The following UBE2QL1 variants were observed in gnomAD, a reference collection of about 807,000 sequenced individuals.
The protein encoded by UBE2QL1 is ubiquitin conjugating enzyme E2 QL1.
Under a neutral mutation model 12.6 loss-of-function variants are expected in UBE2QL1, and 5 were observed. The observed-to-expected ratio is 0.40, with a 90% CI of 0.21 to 0.83. UBE2QL1 has a LOEUF of 0.83. Among genes scored for constraint, UBE2QL1 ranks in the 40% least tolerant of loss-of-function variants. UBE2QL1 has a pLI of 0.37. For synonymous variants in UBE2QL1, 96 were observed against 94.5 expected (o/e 1.02, Z -0.10); for missense variants, 99 against 222.6 (o/e 0.44, Z 3.53).
At chr5:6,469,674 A>C (rs1261181689) in intron 1 of UBE2QL1, among the ~76,000 whole-genome samples, 1 of 151,858 alleles carries the variant, frequency 6.6e-6, no homozygotes, top group Non-Finnish European at 1.5e-5. Flanking sequence ...GTATACACTT[A>C]TATGTTTACA....
At chr5:6,483,370 C>T (rs922511960) in intron 1 of UBE2QL1, among the ~76,000 whole-genome samples, 2 of 151,614 alleles carry the variant, frequency 1.3e-5, no homozygotes, top group African/African-American at 4.8e-5. Flanking sequence ...ACCTGGGAGG[C>T]GGAGGTTGCA....
intron 1 of UBE2QL1, among the ~76,000 whole-genome samples, chr5:6,472,356 T>C (rs568654568): frequency 6.6e-6 from 1 of 152,268 alleles, no homozygotes; most frequent in South Asian, 2.1e-4. Flanking sequence ...CGAGCCTCGG[T>C]ATGTGGATTG....
In UBE2QL1 at chr5:6,478,622, G is replaced by GTT. The variant is rs11420520; in HGVS notation, c.355-12584_355-12583dup. Reference sequence around the variant, plus strand: ...CTAGTGACATTCTTGGTCTCTTTCGGTTTTTTTTTTTTTGGACTTTAACAG... The same window carrying GTT: ...CTAGTGACATTCTTGGTCTCTTTCGGTTTTTTTTTTTTTTTGGACTTTAACAG... On this transcript the variant is annotated intron_variant, in intron 1 of 1. Coordinates refer to ENST00000399816, the MANE Select transcript of UBE2QL1 (RefSeq NM_001145161.3). The surrounding 1 kb of genome is among the most constrained non-coding windows in gnomAD (Gnocchi z 4.5). Among the ~76,000 whole-genome samples the GTT allele has an allele frequency of 8.5e-4, 123 of 144,636 alleles. No individual in the cohort carries two copies. Among genetic ancestry groups the GTT allele is most frequent in the Middle Eastern group, 3.6e-3 (1 of 278 alleles). The allele number at this position is 144,636 out of a possible 152,430, so 94.9% of individuals were successfully genotyped here.
At chr5:6,453,771 C>G (rs1391530300) in intron 1 of UBE2QL1, among the ~76,000 whole-genome samples, 1 of 152,064 alleles carries the variant, frequency 6.6e-6, no homozygotes, top group South Asian at 2.1e-4. Flanking sequence ...AATACTAGGC[C>G]TAGAAATAGC....
intron 1 of UBE2QL1, among the ~76,000 whole-genome samples, chr5:6,469,354 C>G (rs1161657163): frequency 6.6e-6 from 1 of 151,262 alleles, no homozygotes; most frequent in East Asian, 1.9e-4. Flanking sequence ...TATTATAAGG[C>G]TGGGTTCTTT....
chr5:6,451,314 G>A (rs1489735910), intron 1 of UBE2QL1, among the ~76,000 whole-genome samples: 1 of 152,048 alleles, frequency 6.6e-6, no homozygotes, highest in African/African-American at 2.4e-5. Flanking sequence ...CATTAATGCT[G>A]TGTATAATAA....
intron 1 of UBE2QL1, among the ~76,000 whole-genome samples, chr5:6,477,892 G>A (rs1457652284): frequency 1.3e-5 from 2 of 152,190 alleles, no homozygotes; most frequent in Non-Finnish European, 2.9e-5. Context: ...CCTCAAGAAA[G>A]CAAGCCAGAC....
chr5:6,468,881 C>T (rs1484841124), intron 1 of UBE2QL1, among the ~76,000 whole-genome samples: 2 of 152,188 alleles, frequency 1.3e-5, no homozygotes, highest in Admixed American at 6.5e-5. Context: ...GTGCACTTTA[C>T]GTGCATTCTT....
chr5:6,471,909 GACTTTC>G, intron 1 of UBE2QL1, among the ~76,000 whole-genome samples: 1 of 152,150 alleles, frequency 6.6e-6, no homozygotes, highest in East Asian at 1.9e-4. Context: ...TTTGTATTGT[GACTTTC>G]ACTTTTTGTC....
rs1043320733 is a variant in UBE2QL1, at chr5:6,478,991, C to A, written c.355-12227C>A. ...CCTAGGAGTGAGGAAGGCCAGGCCT[C>A]ATGACAGAGCTGCCTGCCCTGGGGG... is the stretch of plus-strand genomic sequence containing the variant. On this transcript the variant is annotated intron_variant, in intron 1 of 1. Coordinates refer to ENST00000399816, the MANE Select transcript of UBE2QL1 (RefSeq NM_001145161.3). The surrounding 1 kb of genome is among the most constrained non-coding windows in gnomAD (Gnocchi z 4.5). Among the ~76,000 whole-genome samples, 2 of 152,192 alleles carry A rather than the reference C, an allele frequency of 1.3e-5. No homozygotes were observed. The highest frequency in any genetic ancestry group is 4.8e-5 in the African/African-American group (2 of 41,460).
At chr5:6,460,473 C>G (rs1183077470) in intron 1 of UBE2QL1, among the ~76,000 whole-genome samples, 1 of 152,174 alleles carries the variant, frequency 6.6e-6, no homozygotes, top group Non-Finnish European at 1.5e-5. Context: ...GTGTTTCCGT[C>G]CATGACTGTG....
intron 1 of UBE2QL1, among the ~76,000 whole-genome samples, chr5:6,485,363 A>T (rs1734444775): frequency 6.6e-6 from 1 of 152,224 alleles, no homozygotes; most frequent in African/African-American, 2.4e-5. Flanking sequence ...TTAGAAACTT[A>T]CAAGTTGATT....
intron 1 of UBE2QL1, among the ~76,000 whole-genome samples, chr5:6,477,898 CAGACA>C (rs1201091305): frequency 6.6e-6 from 1 of 152,176 alleles, no homozygotes; most frequent in Non-Finnish European, 1.5e-5. Flanking sequence ...GAAAGCAAGC[CAGACA>C]AAAGACAGAC....
At chr5:6,470,425 G>C (rs917121254) in intron 1 of UBE2QL1, among the ~76,000 whole-genome samples, 5 of 152,288 alleles carry the variant, frequency 3.3e-5, no homozygotes, top group Middle Eastern at 3.4e-3. Context: ...ATAGAAAATA[G>C]TACATGCTAA....
rs556037125 is a variant in UBE2QL1, at chr5:6,449,148, C to T, written c.255C>T (p.Gly85=). The T allele has an allele frequency of 3.6e-4, 554 of 1,544,090 alleles. 2 individuals are homozygous for T. In the South Asian group the frequency reaches 6.4e-3, roughly 18 times the overall value. The change falls in exon 1 of 2, where the codon GGC becomes GGT. Residue 85 remains glycine, a synonymous_variant. Transcript: ENST00000399816. ...RLENGYVLDG[G]AICMELLTPR... ...AGAACGGCTACGTGCTGGACGGCGG[C>T]GCCATCTGCATGGAGCTGCTCACGC...
intron 1 of UBE2QL1, among the ~76,000 whole-genome samples, chr5:6,450,373 G>C (rs1323215847): frequency 1.3e-5 from 2 of 152,180 alleles, no homozygotes; most frequent in Non-Finnish European, 2.9e-5. Context: ...GTACTTGAGA[G>C]CAGGGTGAGT....
chr5:6,450,110 T>G (rs1460633446), intron 1 of UBE2QL1, among the ~76,000 whole-genome samples: 2 of 55,512 alleles, frequency 3.6e-5, no homozygotes, highest in Admixed American at 4.5e-4. Context: ...CGGCAATGCC[T>G]GTTTTCCCCT....
chr5:6,494,969 G>T lies in UBE2QL1; in HGVS notation c.*3620G>T, dbSNP rs1168852934. 1 of 152,252 alleles carries T rather than the reference G, an allele frequency of 6.6e-6. No homozygotes were observed. Among genetic ancestry groups the T allele is most frequent in the African/African-American group, 2.4e-5 (1 of 41,466 alleles). The allele number at this position is 152,252 out of a possible 1,614,324, so 9.4% of individuals were successfully genotyped here. Reference sequence around the variant, plus strand: ...AGCAAGGCAAGTGCCAAATTGCACTGCAGAAATTAAAGACATGTGCAAGTC... The same window carrying T: ...AGCAAGGCAAGTGCCAAATTGCACTTCAGAAATTAAAGACATGTGCAAGTC... On this transcript the variant is annotated 3_prime_UTR_variant, in exon 2 of 2. Coordinates refer to ENST00000399816, the MANE Select transcript of UBE2QL1 (RefSeq NM_001145161.3).
chr5:6,483,133 G>C (rs781162668), intron 1 of UBE2QL1, among the ~76,000 whole-genome samples: 1 of 152,122 alleles, frequency 6.6e-6, no homozygotes, highest in Non-Finnish European at 1.5e-5. Flanking sequence ...GCTCAAACAC[G>C]CCTTTAAAAA....
Sources: gnomAD v4.1 joint callset for allele counts (sites outside exome capture counted in the v4.1 genomes callset) on GRCh38, gnomAD v4.1.1 for gene constraint, Gnocchi (gnomAD v3.1) non-coding constraint, MANE v1.5 for transcripts, NCBI Gene and HGNC (gene_info 2026-07-23, HGNC 2026-07-21) for gene names.